TTI1: variants seen among roughly 807,000 people sequenced by gnomAD.
TTI1 encodes TELO2-interacting protein 1 homolog.
A neutral mutation model predicts 85.4 loss-of-function variants in TTI1; 52 were observed. That is an observed-to-expected ratio of 0.61 (90% CI 0.49 to 0.77). TTI1 has a LOEUF of 0.77. TTI1 is among the 30% of genes least tolerant of loss of function. The pLI, the probability that TTI1 is intolerant of heterozygous loss-of-function variation, is 0.00. For synonymous variants in TTI1, 512 were observed against 503.9 expected, an observed-to-expected ratio of 1.02 and a Z score of -0.22; for missense variants, 1,173 against 1,296.0, an observed-to-expected ratio of 0.91 and a Z score of 1.46.
At chr20:38,002,530 A>AT in intron 4 of TTI1, 98 bp downstream of exon 4, 1 of 1,494,522 alleles carries the variant, frequency 6.7e-7, no homozygotes, top group Non-Finnish European at 9.1e-7. Context: ...GGACCAGGAG[A>AT]TAAGGGGAGC....
chr20:37,995,352 C>G (rs998469231), intron 7 of TTI1, among the ~76,000 whole-genome samples: 1 of 152,230 alleles, frequency 6.6e-6, no homozygotes, highest in Non-Finnish European at 1.5e-5. Context: ...AAGGAGCAAG[C>G]TGGCTCTCCT....
At chr20:38,023,493 C>A (rs2073796832) in intron 1 of TTI1, among the ~76,000 whole-genome samples, 1 of 152,190 alleles carries the variant, frequency 6.6e-6, no homozygotes. Context: ...ATGTGCTTTC[C>A]CTTCTGAAGA....
intron 2 of TTI1, 50 bp from the exon 3 acceptor site, chr20:38,006,447 G>T: frequency 6.3e-7 from 1 of 1,596,642 alleles, no homozygotes; most frequent in Non-Finnish European, 8.6e-7. Flanking sequence ...CAACAGGCAT[G>T]AGTACTTTAT....
intron 7 of TTI1, chr20:37,987,498 T>C (rs781709783): frequency 1.1e-4 from 41 of 374,520 alleles, no homozygotes; most frequent in Non-Finnish European, 1.8e-4. Flanking sequence ...AACAAAAATT[T>C]CTTTCTCCTC....
intron 7 of TTI1, among the ~76,000 whole-genome samples, chr20:37,991,238 T>C (rs1245512990): frequency 6.6e-6 from 1 of 152,250 alleles, no homozygotes; most frequent in Non-Finnish European, 1.5e-5. Flanking sequence ...CTCATTTCCA[T>C]GCTGGGTGCA....
intron 1 of TTI1, among the ~76,000 whole-genome samples, chr20:38,026,169 T>G (rs192489511): frequency 1.6e-4 from 24 of 152,288 alleles, no homozygotes; most frequent in Admixed American, 1.4e-3. Context: ...AGAAACAATT[T>G]TTTTTTTTGA....
At chr20:38,025,899 A>C (rs2073831069) in intron 1 of TTI1, among the ~76,000 whole-genome samples, 1 of 152,204 alleles carries the variant, frequency 6.6e-6, no homozygotes, top group Non-Finnish European at 1.5e-5. Flanking sequence ...CAATCTGAAC[A>C]ACAGAGAAAA....
At chr20:38,029,176 T>C (rs1287065752) in intron 1 of TTI1, among the ~76,000 whole-genome samples, 2 of 151,646 alleles carry the variant, frequency 1.3e-5, no homozygotes, top group Non-Finnish European at 2.9e-5. Context: ...CTCCAAATAC[T>C]TGGAAACTAA....
rs749019267 is a variant in TTI1, at chr20:37,983,571, G to GGGCA, written c.3151_3154dup (p.Pro1052LeufsTer67). The GGGCA allele has an allele frequency of 6.3e-7, 1 of 1,592,068 alleles. No individual in the cohort carries two copies. Among genetic ancestry groups the GGGCA allele is most frequent in the Non-Finnish European group, 8.5e-7 (1 of 1,170,242 alleles). The stretch of plus-strand genomic sequence containing the variant: ...GGGGTGGGGAGGTGTGAACTGCACG[G>GGGCA]GGCAGTAAAGCTCGTTCAGGAGGAA... On this transcript the variant is annotated frameshift_variant, in exon 8 of 8. Coordinates refer to ENST00000373447, the MANE Select transcript of TTI1 (RefSeq NM_001303457.2). LOFTEE classifies it low-confidence loss of function (END_TRUNC).
intron 2 of TTI1, 136 bp downstream of exon 2, chr20:38,011,379 C>G (rs2073584318): frequency 7.3e-6 from 7 of 953,168 alleles, no homozygotes; most frequent in Non-Finnish European, 1.1e-5. Flanking sequence ...CCCCCATAAC[C>G]TATGGGACTG....
At chr20:38,008,683 C>G (rs2073536626) in intron 2 of TTI1, among the ~76,000 whole-genome samples, 1 of 152,118 alleles carries the variant, frequency 6.6e-6, no homozygotes, top group East Asian at 1.9e-4. Context: ...TCTTCTAAGG[C>G]CTTTCAGAAG....
chr20:38,015,107 T>C (rs1189854911), intron 1 of TTI1, among the ~76,000 whole-genome samples: 25 of 152,122 alleles, frequency 1.6e-4, no homozygotes, highest in Non-Finnish European at 4.4e-5. Context: ...CCCAATTCCA[T>C]GAACACTCCC....
intron 1 of TTI1, among the ~76,000 whole-genome samples, chr20:38,022,892 T>C (rs148833444): frequency 6.6e-6 from 1 of 152,316 alleles, no homozygotes; most frequent in African/African-American, 2.4e-5. Context: ...CCCTGGCTCT[T>C]ACAGTACCTG....
intron 2 of TTI1, 126 bp downstream of exon 2, chr20:38,011,389 G>T: frequency 9.5e-7 from 1 of 1,056,218 alleles, no homozygotes; most frequent in Non-Finnish European, 1.3e-6. Context: ...CTATGGGACT[G>T]GAGAGAAAAT....
chr20:38,031,789 CCTAA>C (rs2073911246), intron 1 of TTI1, among the ~76,000 whole-genome samples: 2 of 152,196 alleles, frequency 1.3e-5, no homozygotes, highest in African/African-American at 2.4e-5. Context: ...TCTGCTATTT[CCTAA>C]CTATGTCCAA....
intron 4 of TTI1, among the ~76,000 whole-genome samples, chr20:38,000,135 T>C (rs2073401659): frequency 1.3e-5 from 2 of 152,130 alleles, no homozygotes; most frequent in Admixed American, 6.5e-5. Flanking sequence ...AAGGACTGGA[T>C]ACTGGGGAGG....
chr20:37,988,771 A>C (rs1298005187), intron 7 of TTI1, among the ~76,000 whole-genome samples: 1 of 152,236 alleles, frequency 6.6e-6, no homozygotes, highest in Non-Finnish European at 1.5e-5. Context: ...GGTTAAATGC[A>C]GTGGGAAAGT....
At chr20:37,996,269 G>C (rs555776568) in intron 7 of TTI1, 106 bp downstream of exon 7, 8 of 1,150,296 alleles carry the variant, frequency 7.0e-6, no homozygotes, top group East Asian at 2.4e-5. Flanking sequence ...TAACCTGGCA[G>C]GGTGACAGAG....
intron 3 of TTI1, chr20:38,005,851 A>G: frequency 4.1e-6 from 1 of 242,630 alleles, no homozygotes; most frequent in Non-Finnish European, 8.1e-6. Context: ...CCACCGCAGC[A>G]CTGTTTATTA....
Sources: gnomAD v4.1 joint callset for allele counts (sites outside exome capture counted in the v4.1 genomes callset) on GRCh38, gnomAD v4.1.1 for gene constraint, MANE v1.5 for transcripts, NCBI Gene and HGNC (gene_info 2026-07-23, HGNC 2026-07-21) for gene names.